The following LYRM4 variants were observed in gnomAD, a reference collection of about 807,000 sequenced individuals.
The protein encoded by LYRM4 is LYR motif-containing protein 4.
In LYRM4, 9 loss-of-function variants were observed where a neutral mutation model predicts 11.7. The ratio of observed to expected loss-of-function variants is 0.77; its 90% confidence interval spans 0.46 to 1.34. LYRM4 has a LOEUF of 1.34. Among genes scored for constraint, LYRM4 ranks in the 40% most tolerant of loss-of-function variants. LYRM4 has a pLI of 0.00. For missense variants in LYRM4, 133 were observed against 112.5 expected (o/e 1.18, Z -0.82); for synonymous variants, 42 against 40.4 (o/e 1.04, Z -0.15).
intron 2 of LYRM4, among the ~76,000 whole-genome samples, chr6:5,129,197 G>C (rs906923450): frequency 2.0e-5 from 3 of 152,168 alleles, no homozygotes; most frequent in Admixed American, 6.5e-5. Context: ...CATTGGGCTC[G>C]CGGGCTGCCC....
At chr6:5,152,956 C>T (rs539076749) in intron 2 of LYRM4, among the ~76,000 whole-genome samples, 107 of 152,294 alleles carry the variant, frequency 7.0e-4, no homozygotes, top group Non-Finnish European at 1.2e-3. Context: ...AGTACTATAT[C>T]CTTAGTAGCA....
chr6:5,207,758 C>CAG (rs148932327), intron 2 of LYRM4, among the ~76,000 whole-genome samples: 6 of 151,350 alleles, frequency 4.0e-5, no homozygotes, highest in African/African-American at 7.3e-5. Flanking sequence ...CTTTTGACGG[C>CAG]AGAGAGAGAG....
At chr6:5,149,042 T>C (rs1296291847) in intron 2 of LYRM4, among the ~76,000 whole-genome samples, 1 of 152,216 alleles carries the variant, frequency 6.6e-6, no homozygotes, top group Admixed American at 6.5e-5. Flanking sequence ...TTTTTAGGAT[T>C]GGAAAATGAC....
At chr6:5,248,718 T>C (rs1010269265) in intron 1 of LYRM4, among the ~76,000 whole-genome samples, 3 of 152,262 alleles carry the variant, frequency 2.0e-5, no homozygotes, top group Admixed American at 6.5e-5. Context: ...GTCTCTCCTA[T>C]CTGCTTCCAC....
intron 2 of LYRM4, among the ~76,000 whole-genome samples, chr6:5,203,632 A>G (rs1263821355): frequency 1.3e-5 from 2 of 152,172 alleles, no homozygotes; most frequent in Non-Finnish European, 2.9e-5. Context: ...TCAGCATGCA[A>G]TAAATATTTC....
At chr6:5,086,662 C>G in the LYRM4 span, 2 of 1,032,304 alleles carry the variant, frequency 1.9e-6, no homozygotes, top group African/African-American at 3.2e-5. Flanking sequence ...CTGAGCGTGG[C>G]GAGTCTGGCG....
At position 5,174,258 on chromosome 6, in the gene LYRM4, C is replaced by T. The variant is rs570696651; in HGVS notation, c.207+42360G>A. Among the ~76,000 whole-genome samples, 97 of 152,232 alleles carry T rather than the reference C, an allele frequency of 6.4e-4. 1 individual carries two copies. The highest frequency in any genetic ancestry group is 2.3e-3 in the African/African-American group (94 of 41,528). On this transcript the variant is annotated intron_variant, in intron 2 of 2. Transcript: ENST00000330636. Reference sequence around the variant, plus strand: ...AACGCATTTTGCAGTGAATGCTCTACAGAGTATCAAAAAATTCATTAAAAT... The same window carrying T: ...AACGCATTTTGCAGTGAATGCTCTATAGAGTATCAAAAAATTCATTAAAAT...
chr6:5,148,525 G>A (rs553691039), intron 2 of LYRM4, among the ~76,000 whole-genome samples: 208 of 5,794 alleles, frequency 0.036, 1 homozygote, highest in African/African-American at 0.12. Context: ...CTGGGTATAC[G>A]CCTTGAACAA....
Position 5,245,150 on chromosome 6 carries a change from ATATATATATATAT to A in LYRM4, c.86+15485_86+15497del, listed in dbSNP as rs1561899178. The stretch of plus-strand genomic sequence containing the variant: ...TATATATATATATATATATATATAT[ATATATATATATAT>A]AAAATAGGTGAATTTCTGGAACAAA... On this transcript the variant is annotated intron_variant, in intron 1 of 2. Coordinates refer to ENST00000330636, the MANE Select transcript of LYRM4 (RefSeq NM_020408.6). 1.3e-4 allele frequency among the ~76,000 whole-genome samples: 13 copies of A among 103,880 alleles called. 1 individual carries two copies. Among genetic ancestry groups the A allele is most frequent in the South Asian group, 3.6e-4 (1 of 2,800 alleles). The allele number at this position is 103,880 out of a possible 152,430, so 68.1% of individuals were successfully genotyped here. A position where few individuals can be genotyped will look rare whatever the true frequency, so the allele number is the denominator to read the frequency against.
chr6:5,157,122 T>C (rs1758459879), intron 2 of LYRM4, among the ~76,000 whole-genome samples: 1 of 152,200 alleles, frequency 6.6e-6, no homozygotes, highest in South Asian at 2.1e-4. Context: ...GAAGAAAGCA[T>C]TCTTCTGTTC....
At chr6:5,096,817 T>C in the LYRM4 span, among the ~76,000 whole-genome samples, 1 of 152,226 alleles carries the variant, frequency 6.6e-6, no homozygotes, top group Non-Finnish European at 1.5e-5. Flanking sequence ...CTCTGGCCTC[T>C]GCCAGTTTGG....
At chr6:5,144,126 C>G in intron 2 of LYRM4, 1 of 1,536,128 alleles carries the variant, frequency 6.5e-7, no homozygotes, top group Non-Finnish European at 8.7e-7. Context: ...ACCACATAGT[C>G]AGAATGCTCA....
intron 2 of LYRM4, among the ~76,000 whole-genome samples, chr6:5,187,719 G>A (rs796439992): frequency 4.6e-5 from 7 of 152,112 alleles, no homozygotes; most frequent in African/African-American, 1.4e-4. Flanking sequence ...AAACCTGCAC[G>A]TTGTGCACAT....
In LYRM4 at chr6:5,237,225, C is replaced by A. The variant is rs535226841; in HGVS notation, c.87-20487G>T. Among the ~76,000 whole-genome samples the A allele has an allele frequency of 3.9e-5, 6 of 152,302 alleles. No homozygotes were observed. The East Asian group carries it at 1.2e-3, about 29-fold the overall frequency. On this transcript the variant is annotated intron_variant, in intron 1 of 2. Coordinates refer to ENST00000330636, the MANE Select transcript of LYRM4 (RefSeq NM_020408.6). ...ATCTGTATTTATAGCCACTCCCCAT[C>A]GCTCACAATACCACCTGAGCTCCAC...
At chr6:5,251,144 C>T (rs1256506126) in intron 1 of LYRM4, among the ~76,000 whole-genome samples, 1 of 152,146 alleles carries the variant, frequency 6.6e-6, no homozygotes, top group Non-Finnish European at 1.5e-5. Flanking sequence ...TTGATTCCAC[C>T]TATTACTAGG....
At chr6:5,048,923 C>G in the LYRM4 span, among the ~76,000 whole-genome samples, 1 of 152,064 alleles carries the variant, frequency 6.6e-6, no homozygotes, top group Non-Finnish European at 1.5e-5. Flanking sequence ...AGGACTTGTT[C>G]CAGAGGGCTG....
At chr6:5,092,666 C>T in the LYRM4 span, among the ~76,000 whole-genome samples, 2 of 151,998 alleles carry the variant, frequency 1.3e-5, no homozygotes, top group Non-Finnish European at 2.9e-5. Context: ...TGCAGTGAGC[C>T]GAGATCGTGC....
At chr6:5,175,962 T>C (rs931182076) in intron 2 of LYRM4, among the ~76,000 whole-genome samples, 1 of 152,176 alleles carries the variant, frequency 6.6e-6, no homozygotes, top group Non-Finnish European at 1.5e-5. Context: ...GTACACCCAG[T>C]GTTACAGTCT....
chr6:5,118,094 A>ATATATATTTTTTTTTTTT, intron 2 of LYRM4, among the ~76,000 whole-genome samples: 42 of 86,056 alleles, frequency 4.9e-4, no homozygotes, highest in African/African-American at 1.4e-3. Flanking sequence ...ATATATATAT[A>ATATATATTTTTTTTTTTT]TTTTTGTTTT....
Sources: gnomAD v4.1 joint callset for allele counts (sites outside exome capture counted in the v4.1 genomes callset) on GRCh38, gnomAD v4.1.1 for gene constraint, MANE v1.5 for transcripts, NCBI Gene and HGNC (gene_info 2026-07-23, HGNC 2026-07-21) for gene names.